Variants in GRHL2 observed in about 807,000 individuals in gnomAD.
The protein encoded by GRHL2 is grainyhead-like protein 2 homolog.
A neutral mutation model predicts 83.8 loss-of-function variants in GRHL2; 21 were observed. The ratio of observed to expected loss-of-function variants is 0.25; its 90% CI spans 0.18 to 0.36. The LOEUF is 0.36. GRHL2 is among the 10% of genes least tolerant of loss of function. The probability of loss-of-function intolerance (pLI) is 1.00; values close to 1 mark genes in which losing one functional copy is unlikely to be tolerated. For missense variants in GRHL2, 623 were observed against 781.8 expected, an observed-to-expected ratio of 0.80 and a Z score of 2.42; for synonymous variants, 280 against 278.9, an observed-to-expected ratio of 1.00 and a Z score of -0.04.
intron 7 of GRHL2, among the ~76,000 whole-genome samples, chr8:101,594,108 A>C (rs1042377279): frequency 7.4e-6 from 1 of 135,910 alleles, no homozygotes; most frequent in African/African-American, 2.7e-5. Context: ...AGAGAGAGAT[A>C]GTGAAGGGGG....
intron 1 of GRHL2, among the ~76,000 whole-genome samples, chr8:101,528,287 C>T (rs1244711574): frequency 6.6e-6 from 1 of 152,148 alleles, no homozygotes; most frequent in Non-Finnish European, 1.5e-5. Flanking sequence ...TCATTTTGTG[C>T]TGTCTTTCCT....
chr8:101,515,043 ATCCT>A (rs1171240980), intron 1 of GRHL2, among the ~76,000 whole-genome samples: 6 of 101,266 alleles, frequency 5.9e-5, no homozygotes, highest in African/African-American at 1.6e-4. Context: ...CCTTCCTTCC[ATCCT>A]TCCTTCCTTC....
At chr8:101,608,438 C>T (rs890285117) in intron 8 of GRHL2, among the ~76,000 whole-genome samples, 1 of 152,142 alleles carries the variant, frequency 6.6e-6, no homozygotes, top group African/African-American at 2.4e-5. Context: ...GGGTCCTGAA[C>T]AAACAAGCCA....
At chr8:101,664,652 A>C in intron 15 of GRHL2, 134 bp downstream of exon 15, 1 of 694,012 alleles carries the variant, frequency 1.4e-6, no homozygotes, top group East Asian at 2.8e-5. Flanking sequence ...TCTTCCAGAG[A>C]ATTGCAGAGG....
chr8:101,672,216 C>T (rs183834680), downstream of GRHL2, among the ~76,000 whole-genome samples: 20 of 151,750 alleles, frequency 1.3e-4, no homozygotes, highest in South Asian at 4.2e-4. Flanking sequence ...ATGACTTTGA[C>T]GAGCTGAGAG....
intron 8 of GRHL2, 47 bp from the exon 9 acceptor site, chr8:101,619,492 A>C: frequency 6.3e-7 from 1 of 1,584,562 alleles, no homozygotes; most frequent in Non-Finnish European, 8.7e-7. Context: ...TTTATTGTAC[A>C]TTCTTTTTAT....
intron 6 of GRHL2, among the ~76,000 whole-genome samples, chr8:101,574,201 A>G (rs528373193): frequency 3.5e-4 from 54 of 152,342 alleles, no homozygotes; most frequent in African/African-American, 1.2e-3. Context: ...TATTCTGTAA[A>G]GGAAAATGCA....
intron 14 of GRHL2, among the ~76,000 whole-genome samples, chr8:101,662,247 A>T (rs532907894): frequency 6.6e-6 from 1 of 152,216 alleles, no homozygotes; most frequent in South Asian, 2.1e-4. Context: ...GTTGTTTTTC[A>T]TCCTTGGCTC....
chr8:101,630,814 T>C (rs543123898), intron 9 of GRHL2, among the ~76,000 whole-genome samples: 1 of 152,208 alleles, frequency 6.6e-6, no homozygotes, highest in Non-Finnish European at 1.5e-5. Flanking sequence ...TGTCTATATT[T>C]GGGGGATAAG....
chr8:101,601,503 T>A (rs780052995), intron 8 of GRHL2, among the ~76,000 whole-genome samples: 1 of 152,178 alleles, frequency 6.6e-6, no homozygotes, highest in African/African-American at 2.4e-5. Flanking sequence ...AGCAGGAGCT[T>A]ACTTTCCTTG....
chr8:101,546,694 G>A (rs144873900), intron 2 of GRHL2, among the ~76,000 whole-genome samples: 54 of 152,274 alleles, frequency 3.5e-4, no homozygotes, highest in Middle Eastern at 3.4e-3. Context: ...GGGATTAGGC[G>A]TGAGTCACCA....
intron 2 of GRHL2, among the ~76,000 whole-genome samples, chr8:101,548,131 GTCCATCTA>G (rs926036320): frequency 1.2e-4 from 19 of 152,134 alleles, no homozygotes; most frequent in Non-Finnish European, 2.1e-4. Context: ...TGATTTGTTT[GTCCATCTA>G]TCCATCTATC....
At chr8:101,544,554 G>A (rs895106715) in intron 2 of GRHL2, among the ~76,000 whole-genome samples, 1 of 152,186 alleles carries the variant, frequency 6.6e-6, no homozygotes, top group Non-Finnish European at 1.5e-5. Flanking sequence ...AAGTTGACCA[G>A]TATTTACTGA....
intron 7 of GRHL2, among the ~76,000 whole-genome samples, chr8:101,585,261 A>G (rs551184982): frequency 6.6e-6 from 1 of 152,264 alleles, no homozygotes; most frequent in East Asian, 1.9e-4. Flanking sequence ...CTCTCTCCCT[A>G]CAGTCTGGAA....
rs146209216 is a variant in GRHL2 at position 101,657,454 on chromosome 8, G to T, written c.1699-7000G>T. 2.0e-5 allele frequency among the ~76,000 whole-genome samples: 3 copies of T among 152,292 alleles called. No individual in the cohort carries two copies. In the East Asian group the frequency reaches 5.8e-4, roughly 29 times the overall value. ...ATCTAGAATCATCCTGGGTGTCAAG[G>T]AAGTCTTTGGGGTTTTTACAAATAT... is the stretch of plus-strand genomic sequence containing the variant. On this transcript the variant is annotated intron_variant, in intron 14 of 15. Coordinates refer to ENST00000646743, the MANE Select transcript of GRHL2 (RefSeq NM_024915.4).
chr8:101,566,596 A>T (rs914160123), intron 4 of GRHL2, among the ~76,000 whole-genome samples: 4 of 148,018 alleles, frequency 2.7e-5, no homozygotes, highest in African/African-American at 9.8e-5. Flanking sequence ...TAATATTATT[A>T]TATATATTAT....
intron 7 of GRHL2, among the ~76,000 whole-genome samples, chr8:101,580,864 C>A (rs536958986): frequency 1.3e-5 from 2 of 152,080 alleles, no homozygotes; most frequent in African/African-American, 4.8e-5. Context: ...CCACCACGCC[C>A]AGCTAATTTT....
chr8:101,663,044 C>T (rs181727469), intron 14 of GRHL2, among the ~76,000 whole-genome samples: 11 of 152,130 alleles, frequency 7.2e-5, no homozygotes, highest in East Asian at 5.8e-4. Context: ...ATGTGTTTAA[C>T]GGATGTTTGT....
At chr8:101,610,775 G>T (rs1194205034) in intron 8 of GRHL2, among the ~76,000 whole-genome samples, 2 of 150,810 alleles carry the variant, frequency 1.3e-5, no homozygotes, top group Non-Finnish European at 2.9e-5. Flanking sequence ...TTCTGTCTTT[G>T]CTTTACTCTC....
Sources: allele counts gnomAD v4.1 joint callset (sites outside exome capture counted in the v4.1 genomes callset), GRCh38; gene constraint gnomAD v4.1.1; transcripts MANE v1.5; gene names NCBI Gene and HGNC (gene_info 2026-07-23, HGNC 2026-07-21).